Variants in GPC5 observed in about 807,000 individuals in gnomAD.
GPC5 encodes the protein glypican-5.
GPC5 carries 47 observed loss-of-function variants against 53.9 expected under a neutral mutation model. The ratio of observed to expected loss-of-function variants is 0.87; its 90% CI spans 0.69 to 1.11. The LOEUF is 1.11. Ranked by LOEUF, GPC5 falls within the 50% of genes most tolerant of loss-of-function variation. GPC5 has a pLI of 0.00. For missense variants in GPC5, 748 were observed against 713.1 expected (o/e 1.05, Z -0.56); for synonymous variants, 286 against 263.3 (o/e 1.09, Z -0.84).
At chr13:92,789,010 T>A (rs2138771915) in intron 7 of GPC5, among the ~76,000 whole-genome samples, 1 of 152,248 alleles carries the variant, frequency 6.6e-6, no homozygotes, top group South Asian at 2.1e-4. Flanking sequence ...ATGGCACACC[T>A]CTTAGAAAGC....
chr13:92,398,022 G>A (rs1875365121), intron 7 of GPC5, among the ~76,000 whole-genome samples: 1 of 152,140 alleles, frequency 6.6e-6, no homozygotes, highest in South Asian at 2.1e-4. Context: ...AGGGGGATAG[G>A]AAATCTTAAA....
chr13:92,124,758 A>C (rs1227036495), intron 6 of GPC5, among the ~76,000 whole-genome samples: 1 of 152,194 alleles, frequency 6.6e-6, no homozygotes, highest in Admixed American at 6.5e-5. Flanking sequence ...ATAAAAAAAA[A>C]CTGTAGAGAC....
At chr13:91,411,816 G>C (rs1877814784) in intron 1 of GPC5, among the ~76,000 whole-genome samples, 1 of 152,162 alleles carries the variant, frequency 6.6e-6, no homozygotes, top group Admixed American at 6.5e-5. Context: ...GATTCTGTAT[G>C]ATAACACTTT....
chr13:91,816,150 G>C (rs140932458), intron 5 of GPC5, among the ~76,000 whole-genome samples: 6,567 of 152,192 alleles, frequency 0.043, 167 homozygotes, highest in Middle Eastern at 0.065. Flanking sequence ...ATGATTTACT[G>C]TGTGTAATTT....
intron 7 of GPC5, among the ~76,000 whole-genome samples, chr13:92,324,118 T>G (rs576157774): frequency 1.3e-5 from 2 of 152,060 alleles, no homozygotes; most frequent in South Asian, 4.1e-4. Context: ...AATAAGTCAA[T>G]GAAGAAAAAA....
intron 7 of GPC5, among the ~76,000 whole-genome samples, chr13:92,310,774 G>A (rs2043140172): frequency 6.6e-6 from 1 of 152,116 alleles, no homozygotes; most frequent in African/African-American, 2.4e-5. Flanking sequence ...GGTATACAAA[G>A]CATTGTAAAA....
At chr13:92,787,185 A>G (rs1876269067) in intron 7 of GPC5, among the ~76,000 whole-genome samples, 1 of 152,166 alleles carries the variant, frequency 6.6e-6, no homozygotes, top group South Asian at 2.1e-4. Flanking sequence ...AGTAAGTAAA[A>G]CAACCCAAAA....
rs1324645066 is a variant in GPC5 at position 92,579,294 on chromosome 13, TCTCTCTCCCTCC to T, written c.1562-286984_1562-286973del. On this transcript the variant is annotated intron_variant, in intron 7 of 7. Coordinates refer to ENST00000377067, the MANE Select transcript of GPC5 (RefSeq NM_004466.6). Reference sequence around the variant, plus strand: ...CCCTCCCTCTCTCTCTCTCTCTCTCTCTCTCTCCCTCCCTCCCTCCCTCCCTCCCTCTCTCTC... The same window carrying T: ...CCCTCCCTCTCTCTCTCTCTCTCTCTCTCCCTCCCTCCCTCCCTCTCTCTC... 2.5e-3 allele frequency among the ~76,000 whole-genome samples: 161 copies of T among 64,688 alleles called. 14 individuals carry two copies. Among genetic ancestry groups the T allele is most frequent in the Middle Eastern group, 0.026 (2 of 78 alleles). 42.4% of individuals were successfully genotyped at this position (64,688 alleles called of 152,430 possible). A position where few individuals can be genotyped will look rare whatever the true frequency, so the allele number is the denominator to read the frequency against.
chr13:91,475,174 T>G (rs9301732), intron 2 of GPC5, among the ~76,000 whole-genome samples: 2,247 of 152,308 alleles, frequency 0.015, 56 homozygotes, highest in African/African-American at 0.047. Context: ...TTTTATTCTA[T>G]CCTTCTCCTG....
intron 7 of GPC5, among the ~76,000 whole-genome samples, chr13:92,518,011 C>T (rs374310517): frequency 1.3e-5 from 2 of 152,108 alleles, no homozygotes; most frequent in East Asian, 1.9e-4. Flanking sequence ...AACCATGGCA[C>T]GAGAACTACG....
chr13:92,204,129 G>A (rs111256163), intron 7 of GPC5, among the ~76,000 whole-genome samples: 2 of 152,080 alleles, frequency 1.3e-5, no homozygotes, highest in African/African-American at 4.8e-5. Context: ...TTTGTTTCTA[G>A]AAAACTTCTA....
At chr13:92,638,568 C>CT (rs778535390) in intron 7 of GPC5, among the ~76,000 whole-genome samples, 11 of 67,906 alleles carry the variant, frequency 1.6e-4, no homozygotes, top group Non-Finnish European at 4.9e-4. Flanking sequence ...TTATACTCCT[C>CT]TTTCTCAGAT....
chr13:91,672,187 G>A (rs192694632), intron 2 of GPC5, among the ~76,000 whole-genome samples: 1 of 152,228 alleles, frequency 6.6e-6, no homozygotes, highest in Non-Finnish European at 1.5e-5. Context: ...GTGTGGGCAA[G>A]GAATCCATGA....
chr13:92,298,719 T>C (rs533114357), intron 7 of GPC5, among the ~76,000 whole-genome samples: 8 of 152,094 alleles, frequency 5.3e-5, no homozygotes, highest in Non-Finnish European at 8.8e-5. Flanking sequence ...CTTTAGGGGG[T>C]GTGTGGGTCG....
At chr13:91,801,041 G>A (rs565321505) in intron 5 of GPC5, among the ~76,000 whole-genome samples, 38 of 152,030 alleles carry the variant, frequency 2.5e-4, no homozygotes, top group African/African-American at 5.5e-4. Context: ...CAGTCTAGGC[G>A]CCAATTTTTT....
rs1555302903 is a variant in GPC5 at position 92,685,546 on chromosome 13, T to TTTTTTTTTTTTTTAA, written c.1562-180724_1562-180723insTAATTTTTTTTTTTT. 1.6e-3 allele frequency among the ~76,000 whole-genome samples: 151 copies of TTTTTTTTTTTTTTAA among 93,664 alleles called. 1 individual carries two copies. Among genetic ancestry groups the TTTTTTTTTTTTTTAA allele is most frequent in the African/African-American group, 5.5e-3 (140 of 25,594 alleles). The allele number at this position is 93,664 out of a possible 152,430, so 61.4% of individuals were successfully genotyped here. ...GTTATTTATGAAAAATTATGCTCATTTTTTTTTTTTTTAATTTTTTTTTTT... is the reference window on the plus strand; with the variant it reads ...GTTATTTATGAAAAATTATGCTCATTTTTTTTTTTTTTTAATTTTTTTTTTTTAATTTTTTTTTTT... On this transcript the variant is annotated intron_variant, in intron 7 of 7. Transcript: ENST00000377067.
intron 7 of GPC5, among the ~76,000 whole-genome samples, chr13:92,820,261 C>T (rs1007634876): frequency 2.6e-5 from 4 of 152,104 alleles, no homozygotes; most frequent in Non-Finnish European, 4.4e-5. Flanking sequence ...CCTTTTAATC[C>T]GTAAATCAGT....
At chr13:91,426,275 G>A (rs1016842919) in intron 1 of GPC5, among the ~76,000 whole-genome samples, 23 of 152,004 alleles carry the variant, frequency 1.5e-4, no homozygotes, top group African/African-American at 5.1e-4. Context: ...CAGGCCTGGA[G>A]TCCTACAGGG....
chr13:91,973,494 G>A (rs2139095480), intron 6 of GPC5, among the ~76,000 whole-genome samples: 1 of 152,312 alleles, frequency 6.6e-6, no homozygotes, highest in South Asian at 2.1e-4. Flanking sequence ...GTCCAGCTTT[G>A]TTCCGTTGCT....
Sources: gnomAD v4.1 joint callset for allele counts (sites outside exome capture counted in the v4.1 genomes callset) on GRCh38, gnomAD v4.1.1 for gene constraint, MANE v1.5 for transcripts, NCBI Gene and HGNC (gene_info 2026-07-23, HGNC 2026-07-21) for gene names.